The following CNOT10 variants were observed in gnomAD, a reference collection of about 807,000 sequenced individuals.
CNOT10 encodes the protein CCR4-NOT transcription complex, subunit 10.
A neutral mutation model predicts 94.6 loss-of-function variants in CNOT10; 30 were observed. The observed-to-expected ratio is 0.32, with a 90% confidence interval of 0.24 to 0.43. CNOT10 has a LOEUF of 0.43. CNOT10 is among the 20% of genes least tolerant of loss of function. The pLI, the probability that CNOT10 is intolerant of heterozygous loss-of-function variation, is 1.00. For synonymous variants in CNOT10, 289 were observed against 301.6 expected (o/e 0.96, Z 0.43); for missense variants, 759 against 877.2 (o/e 0.87, Z 1.70).
At chr3:32,751,809 G>A (rs1300253185) in intron 13 of CNOT10, among the ~76,000 whole-genome samples, 1 of 152,148 alleles carries the variant, frequency 6.6e-6, no homozygotes, top group African/African-American at 2.4e-5. Flanking sequence ...CCCCATTTCA[G>A]TCTTACGACT....
At chr3:32,716,506 T>G (rs1698127086) in intron 6 of CNOT10, among the ~76,000 whole-genome samples, 195 bp downstream of exon 6, 1 of 152,228 alleles carries the variant, frequency 6.6e-6, no homozygotes, top group African/African-American at 2.4e-5. Flanking sequence ...ATAATTTATT[T>G]AAATTGCTCT....
chr3:32,724,122 C>T (rs954783188), intron 8 of CNOT10, among the ~76,000 whole-genome samples: 2 of 151,852 alleles, frequency 1.3e-5, no homozygotes, highest in Non-Finnish European at 2.9e-5. Context: ...CAAGAGGCAA[C>T]ACAGGCTGAA....
At chr3:32,713,525 C>T (rs1488233160) in intron 5 of CNOT10, among the ~76,000 whole-genome samples, 156 bp downstream of exon 5, 1 of 152,154 alleles carries the variant, frequency 6.6e-6, no homozygotes, top group Admixed American at 6.5e-5. Context: ...ATATTATAAG[C>T]TTTACCATTT....
chr3:32,765,194 T>G (rs1304275625), intron 17 of CNOT10: 1 of 333,478 alleles, frequency 3.0e-6, no homozygotes, highest in Non-Finnish European at 5.8e-6. Flanking sequence ...GGCACGCACC[T>G]GTAGTCCCAG....
At chr3:32,749,803 G>A (rs376717284) in intron 13 of CNOT10, among the ~76,000 whole-genome samples, 2 of 151,786 alleles carry the variant, frequency 1.3e-5, no homozygotes, top group Non-Finnish European at 1.5e-5. Flanking sequence ...GAGAAATATC[G>A]GGTGATGGGT....
At chr3:32,692,430 T>A (rs1443772022) in intron 1 of CNOT10, among the ~76,000 whole-genome samples, 1 of 152,198 alleles carries the variant, frequency 6.6e-6, no homozygotes, top group Non-Finnish European at 1.5e-5. Flanking sequence ...CTAACTTATT[T>A]CTACAGGCTT....
intron 9 of CNOT10, among the ~76,000 whole-genome samples, chr3:32,726,315 T>C (rs1698662619): frequency 6.6e-6 from 1 of 152,198 alleles, no homozygotes; most frequent in South Asian, 2.1e-4. Context: ...AGCAAATTCC[T>C]GACATTTATC....
intron 11 of CNOT10, among the ~76,000 whole-genome samples, chr3:32,733,949 G>T (rs940947913): frequency 1.3e-5 from 2 of 152,150 alleles, no homozygotes; most frequent in African/African-American, 4.8e-5. Flanking sequence ...GAAAAAAGGT[G>T]TATTAAAACA....
At chr3:32,719,984 A>G (rs1238912309) in intron 7 of CNOT10, 130 bp from the exon 8 acceptor site, 7 of 465,264 alleles carry the variant, frequency 1.5e-5, no homozygotes, top group East Asian at 3.0e-5. Flanking sequence ...TTTAGAGACT[A>G]TATAATTTTT....
At chr3:32,741,356 C>A (rs1033793721) in intron 13 of CNOT10, among the ~76,000 whole-genome samples, 4 of 151,834 alleles carry the variant, frequency 2.6e-5, no homozygotes, top group Non-Finnish European at 4.4e-5. Flanking sequence ...CAGTTTGGGG[C>A]TGTTACAAAT....
At chr3:32,693,676 GGA>G (rs1696938074) in intron 1 of CNOT10, among the ~76,000 whole-genome samples, 1 of 151,746 alleles carries the variant, frequency 6.6e-6, no homozygotes, top group Non-Finnish European at 1.5e-5. Context: ...CAAGTAGCTG[GGA>G]CTATAGGCAT....
chr3:32,703,012 C>T (rs1438820986), intron 1 of CNOT10, among the ~76,000 whole-genome samples: 1 of 151,098 alleles, frequency 6.6e-6, no homozygotes, highest in South Asian at 2.1e-4. Flanking sequence ...CCCAGGTTCA[C>T]GCCATTCTCC....
At chr3:32,745,592 C>A (rs1699662736) in intron 13 of CNOT10, among the ~76,000 whole-genome samples, 1 of 152,186 alleles carries the variant, frequency 6.6e-6, no homozygotes, top group Non-Finnish European at 1.5e-5. Flanking sequence ...AATTTTATAG[C>A]AGCTTTACTC....
intron 13 of CNOT10, chr3:32,753,777 G>A: frequency 1.9e-6 from 3 of 1,601,270 alleles, no homozygotes; most frequent in Admixed American, 1.7e-5. Context: ...CTGATGAAGT[G>A]AAATGTGCCA....
intron 13 of CNOT10, among the ~76,000 whole-genome samples, chr3:32,747,716 G>A (rs990416362): frequency 2.6e-5 from 4 of 152,030 alleles, no homozygotes; most frequent in Non-Finnish European, 5.9e-5. Context: ...TTGGGAGGCC[G>A]AGACGGGCAG....
At chr3:32,719,395 G>C (rs750136494) in intron 7 of CNOT10, among the ~76,000 whole-genome samples, 1 of 152,202 alleles carries the variant, frequency 6.6e-6, no homozygotes, top group Non-Finnish European at 1.5e-5. Context: ...ACTCCAGCCT[G>C]GGTGACAGAG....
At chr3:32,760,335 A>G (rs1028330834) in intron 14 of CNOT10, among the ~76,000 whole-genome samples, 1 of 151,978 alleles carries the variant, frequency 6.6e-6, no homozygotes, top group African/African-American at 2.4e-5. Context: ...TTTTACCAAA[A>G]TTGAGTAAAA....
rs775965855 is a variant in CNOT10, at chr3:32,727,789, G to C, written c.1134G>C (p.Leu378=). ...GGCCTCTTGCTGCCTTCGAATGTCT[G>C]ATTGAAGCTGTTCAGGTTTATCATG... The part of the protein sequence containing the change: ...IGRPLAAFEC[L]IEAVQVYHAN... The change falls in exon 10 of 19, where the codon CTG becomes CTC. Residue 378 remains leucine (L), a synonymous_variant. Coordinates refer to ENST00000328834, the MANE Select transcript of CNOT10 (RefSeq NM_015442.3). 3 of 1,614,056 alleles carry C rather than the reference G, an allele frequency of 1.9e-6. No homozygotes were observed. Among genetic ancestry groups the C allele is most frequent in the South Asian group, 1.1e-5 (1 of 91,074 alleles).
chr3:32,734,218 C>T (rs1401746718), intron 11 of CNOT10, among the ~76,000 whole-genome samples: 2 of 152,114 alleles, frequency 1.3e-5, no homozygotes, highest in Non-Finnish European at 2.9e-5. Context: ...TAAAGCATTT[C>T]AAAGTTTTAA....
Sources: gnomAD v4.1 joint callset for allele counts (sites outside exome capture counted in the v4.1 genomes callset) on GRCh38, gnomAD v4.1.1 for gene constraint, MANE v1.5 for transcripts, NCBI Gene and HGNC (gene_info 2026-07-23, HGNC 2026-07-21) for gene names.